AKAP13: variants seen among roughly 807,000 people sequenced by gnomAD.
AKAP13 encodes the protein A-kinase anchor protein 13.
AKAP13 carries 80 observed loss-of-function variants against 264.5 expected under a neutral mutation model. That is an observed-to-expected ratio of 0.30 (90% CI 0.25 to 0.36). The LOEUF (loss-of-function observed/expected upper bound fraction) is 0.36, where lower values mean the gene tolerates loss of function less well. AKAP13 is among the 10% of genes least tolerant of loss of function. The pLI is 1.00. For missense variants in AKAP13, 3,712 were observed against 3,435.2 expected, an observed-to-expected ratio of 1.08 and a Z score of -2.01; for synonymous variants, 1,380 against 1,250.2, an observed-to-expected ratio of 1.10 and a Z score of -2.19.
In AKAP13 at chr15:85,745,000, TGAAA is replaced by T; in HGVS notation, c.*326_*329del. ...GGACACGTCAGGAATTCCTAAAGGC[TGAAA>T]GAGTGTATCCAAGTAAGGTCTGAAC... On this transcript the variant is annotated 3_prime_UTR_variant, in exon 37 of 37. Coordinates refer to ENST00000394518, the MANE Select transcript of AKAP13 (RefSeq NM_007200.5). 8.1e-6 allele frequency: 2 copies of T among 247,192 alleles called. No individual in the cohort carries two copies. The highest frequency in any genetic ancestry group is 1.6e-5 in the Non-Finnish European group (2 of 128,096). The allele number at this position is 247,192 out of a possible 1,614,324, so 15.3% of individuals were successfully genotyped here.
Position 85,581,516 on chromosome 15 carries a change from C to G in AKAP13, c.3448C>G (p.Pro1150Ala). 1 of 1,614,158 alleles carries G rather than the reference C, an allele frequency of 6.2e-7. No homozygotes were observed. Among genetic ancestry groups the G allele is most frequent in the Non-Finnish European group, 8.5e-7 (1 of 1,180,030 alleles). ...AVTDPQGVGT[P>A]EMIPLDWEKG... is the part of the protein sequence containing the mutation. The stretch of plus-strand genomic sequence containing the variant: ...GACTGACCCACAGGGAGTTGGAACC[C>G]CAGAGATGATACCTCTTGATTGGGA... Residue 1150 changes from proline (P) to alanine (A), a missense_variant, in exon 7 of 37, where the codon CCA (proline) becomes GCA (alanine). Physicochemically the swap from Pro to Ala is conservative, Grantham distance 27. Transcript: ENST00000394518.
At chr15:85,720,854 G>A (rs762513540) in intron 23 of AKAP13, among the ~76,000 whole-genome samples, 2 of 152,182 alleles carry the variant, frequency 1.3e-5, no homozygotes, top group African/African-American at 2.4e-5. Context: ...TACAAAGGGG[G>A]ATATGGCTTA....
chr15:85,404,509 G>A (rs950901077), intron 1 of AKAP13, among the ~76,000 whole-genome samples: 6 of 152,122 alleles, frequency 3.9e-5, no homozygotes, highest in Non-Finnish European at 8.8e-5. Flanking sequence ...TAGACCCTAG[G>A]GACACACAAA....
At chr15:85,419,698 T>C (rs1036885676) in intron 1 of AKAP13, among the ~76,000 whole-genome samples, 1 of 152,128 alleles carries the variant, frequency 6.6e-6, no homozygotes, top group Admixed American at 6.5e-5. Flanking sequence ...TAATGACAGC[T>C]TTTTTTAAAA....
intron 8 of AKAP13, among the ~76,000 whole-genome samples, chr15:85,587,915 T>C (rs10152805): frequency 0.62 from 94,583 of 152,138 alleles, 29,551 homozygotes; most frequent in Middle Eastern, 0.72. Flanking sequence ...CCCAAAGTGC[T>C]GGAAGTACAG....
chr15:85,588,177 A>G (rs1357608304), intron 8 of AKAP13, among the ~76,000 whole-genome samples: 2 of 152,196 alleles, frequency 1.3e-5, no homozygotes, highest in Non-Finnish European at 2.9e-5. Context: ...GGTAAATGGA[A>G]CAGACTATCC....
At chr15:85,561,531 T>A (rs768157062) in intron 5 of AKAP13, among the ~76,000 whole-genome samples, 2 of 152,254 alleles carry the variant, frequency 1.3e-5, no homozygotes, top group Non-Finnish European at 2.9e-5. Context: ...AATACTTTGA[T>A]CACATCAATA....
intron 1 of AKAP13, 75 bp from the exon 2 acceptor site, chr15:85,485,635 T>G: frequency 7.5e-7 from 1 of 1,334,288 alleles, no homozygotes; most frequent in Non-Finnish European, 1.1e-6. Context: ...GCTTGACACC[T>G]AGGACTTTAG....
rs555082468 is a variant in AKAP13, at chr15:85,593,967, T to C, written c.4161+8144T>C. On this transcript the variant is annotated intron_variant, in intron 8 of 36. Transcript: ENST00000394518. ...CTCATTTGTAAATTTGGGATATTGA[T>C]GCCTGTTACAAAGGTTGTTTGTATT... Among the ~76,000 whole-genome samples, 24 of 152,370 alleles carry C rather than the reference T, an allele frequency of 1.6e-4. No individual in the cohort carries two copies. In the South Asian group the frequency reaches 4.8e-3, roughly 30 times the overall value.
At chr15:85,440,260 G>A (rs145891157) in intron 1 of AKAP13, among the ~76,000 whole-genome samples, 321 of 152,248 alleles carry the variant, frequency 2.1e-3, no homozygotes, top group Non-Finnish European at 3.9e-3. Context: ...TCCTCAGCTA[G>A]CTTACTTGTT....
At chr15:85,478,798 G>T (rs1187344303) in intron 1 of AKAP13, among the ~76,000 whole-genome samples, 1 of 151,578 alleles carries the variant, frequency 6.6e-6, no homozygotes, top group Non-Finnish European at 1.5e-5. Context: ...GCAGAGCAGG[G>T]CTAACTGTTC....
In AKAP13 at chr15:85,730,701, A is replaced by C; in HGVS notation, c.7276A>C (p.Asn2426His). ...KGGPLMKSAI[N>H]EVEILQGLVS... Reference sequence around the variant, plus strand: ...AGGACCTTTAATGAAAAGTGCAATAAATGAGGGTAATTAACATTCAGCATT... The same window carrying C: ...AGGACCTTTAATGAAAAGTGCAATACATGAGGGTAATTAACATTCAGCATT... Residue 2426 changes from asparagine (N) to histidine (H), a missense_variant, in exon 30 of 37, where the codon AAT (asparagine) becomes CAT (histidine). By Grantham distance (68) the Asn-to-His change is moderately conservative. Around this residue, in one of 3 missense-constraint regions of AKAP13, gnomAD observed 611 missense variants for 539.3 expected, o/e 1.13. Coordinates refer to ENST00000394518, the MANE Select transcript of AKAP13 (RefSeq NM_007200.5). The C allele has an allele frequency of 1.9e-6, 3 of 1,612,494 alleles. No homozygotes were observed. The highest frequency in any genetic ancestry group is 2.5e-6 in the Non-Finnish European group (3 of 1,178,780).
chr15:85,745,345 G>A lies in AKAP13; in HGVS notation c.*668G>A, dbSNP rs2089338231. 6.6e-6 allele frequency: 1 copy of A among 151,976 alleles called. No individual in the cohort carries two copies. Among genetic ancestry groups the A allele is most frequent in the Non-Finnish European group, 1.5e-5 (1 of 68,024 alleles). 9.4% of individuals were successfully genotyped at this position (151,976 alleles called of 1,614,324 possible). A position where few individuals can be genotyped will look rare whatever the true frequency, so the allele number is the denominator to read the frequency against. ...GATGACAAACATTTGTGAAACCAGTGAGAGAAGGCTTGATGTGTATAAAAG... is the reference window on the plus strand; with the variant it reads ...GATGACAAACATTTGTGAAACCAGTAAGAGAAGGCTTGATGTGTATAAAAG... On this transcript the variant is annotated 3_prime_UTR_variant, in exon 37 of 37. Coordinates refer to ENST00000394518, the MANE Select transcript of AKAP13 (RefSeq NM_007200.5).
intron 1 of AKAP13, among the ~76,000 whole-genome samples, chr15:85,454,142 C>G (rs558290093): frequency 6.6e-6 from 1 of 152,102 alleles, no homozygotes; most frequent in African/African-American, 2.4e-5. Flanking sequence ...CTGGTCAGTC[C>G]CCTGGATTCA....
chr15:85,512,854 T>G (rs1457053153), intron 2 of AKAP13, among the ~76,000 whole-genome samples: 1 of 151,522 alleles, frequency 6.6e-6, no homozygotes, highest in Non-Finnish European at 1.5e-5. Context: ...TGTATGTATG[T>G]ATGTATGTAT....
At position 85,635,981 on chromosome 15, in the gene AKAP13, T is replaced by A. The variant is rs574521636; in HGVS notation, c.4162-3393T>A. ...TTTGGTTAGTGCAGCTTTTATAGTA[T>A]GTCTTGAAATCATGTAGTGATCAAT... On this transcript the variant is annotated intron_variant, in intron 8 of 36. Transcript: ENST00000394518. Among the ~76,000 whole-genome samples, 9 of 152,328 alleles carry A rather than the reference T, an allele frequency of 5.9e-5. No homozygotes were observed. The East Asian group carries it at 1.7e-3, about 29-fold the overall frequency.
chr15:85,414,503 A>T (rs1361076154), intron 1 of AKAP13, among the ~76,000 whole-genome samples: 1 of 152,220 alleles, frequency 6.6e-6, no homozygotes, highest in Non-Finnish European at 1.5e-5. Context: ...GGGTAGTGAG[A>T]TTTAGATGAT....
chr15:85,450,991 T>A (rs1431908605), intron 1 of AKAP13, among the ~76,000 whole-genome samples: 2 of 152,184 alleles, frequency 1.3e-5, no homozygotes, highest in Non-Finnish European at 2.9e-5. Flanking sequence ...GGAGTCCATG[T>A]CTCTTTGTAG....
intron 16 of AKAP13, 59 bp from the exon 17 acceptor site, chr15:85,693,218 G>C (rs1463402012): frequency 4.1e-6 from 6 of 1,473,616 alleles, no homozygotes; most frequent in Non-Finnish European, 5.4e-6. Context: ...GGGTGCCCAG[G>C]TAAGGAGAAA....
Sources: allele counts gnomAD v4.1 joint callset (sites outside exome capture counted in the v4.1 genomes callset), GRCh38; gene constraint gnomAD v4.1.1; regional missense constraint gnomAD v4.1.1; transcripts MANE v1.5; gene names NCBI Gene and HGNC (gene_info 2026-07-23, HGNC 2026-07-21).